The following DPYD variants were observed in gnomAD, a reference collection of about 807,000 sequenced individuals.
DPYD encodes the protein dihydropyrimidine dehydrogenase [NADP(+)].
DPYD carries 109 observed loss-of-function variants against 116.2 expected under a neutral mutation model. The ratio of observed to expected loss-of-function variants is 0.94; its 90% CI spans 0.80 to 1.10. The LOEUF (loss-of-function observed/expected upper bound fraction) is 1.10, where lower values mean the gene tolerates loss of function less well. Ranked by LOEUF, DPYD falls within the 50% of genes least tolerant of loss-of-function variation. DPYD has a pLI of 0.00. For missense variants in DPYD, 1,302 were observed against 1,254.5 expected (o/e 1.04, Z -0.57); for synonymous variants, 440 against 432.0 (o/e 1.02, Z -0.23).
chr1:97,326,009 T>TA (rs1162712653), intron 16 of DPYD, among the ~76,000 whole-genome samples: 2 of 151,590 alleles, frequency 1.3e-5, no homozygotes, highest in Admixed American at 1.3e-4. Context: ...AACTCTTATA[T>TA]ATGTCTATGG....
At chr1:97,664,855 A>G (rs1468688784) in intron 8 of DPYD, among the ~76,000 whole-genome samples, 1 of 152,158 alleles carries the variant, frequency 6.6e-6, no homozygotes, top group African/African-American at 2.4e-5. Context: ...GCTGGAAGCT[A>G]GAACACATGC....
chr1:97,786,412 T>C (rs1667031272), intron 3 of DPYD, among the ~76,000 whole-genome samples: 1 of 152,194 alleles, frequency 6.6e-6, no homozygotes, highest in African/African-American at 2.4e-5. Flanking sequence ...TCCTTACAAA[T>C]GATTTTTTTT....
chr1:97,767,765 T>C (rs1441644382), intron 3 of DPYD, among the ~76,000 whole-genome samples: 2 of 150,910 alleles, frequency 1.3e-5, no homozygotes, highest in Non-Finnish European at 3.0e-5. Flanking sequence ...CTTTTTTTTT[T>C]TTTTTTTTTT....
chr1:97,374,266 G>A (rs1435105729), intron 15 of DPYD, among the ~76,000 whole-genome samples: 2 of 152,030 alleles, frequency 1.3e-5, no homozygotes. Context: ...TTACTTAATA[G>A]GAATCCTTCT....
intron 20 of DPYD, among the ~76,000 whole-genome samples, chr1:97,175,161 T>C (rs1657155656): frequency 1.3e-5 from 2 of 152,066 alleles, no homozygotes; most frequent in Admixed American, 1.3e-4. Flanking sequence ...ATTAGCAATG[T>C]ATGAATTTTC....
intron 14 of DPYD, among the ~76,000 whole-genome samples, chr1:97,422,463 TAGG>T (rs1570709000): frequency 1.3e-5 from 2 of 152,270 alleles, no homozygotes; most frequent in Non-Finnish European, 2.9e-5. Context: ...TAGACTGACC[TAGG>T]AGAAGACCAA....
chr1:97,919,685 A>C (rs1435213755), intron 1 of DPYD, among the ~76,000 whole-genome samples: 1 of 152,240 alleles, frequency 6.6e-6, no homozygotes, highest in Non-Finnish European at 1.5e-5. Flanking sequence ...TCCTGCACAC[A>C]GATGAACAAC....
chr1:97,454,734 C>T (rs1029130348), intron 13 of DPYD, among the ~76,000 whole-genome samples: 3 of 151,778 alleles, frequency 2.0e-5, no homozygotes, highest in Non-Finnish European at 4.4e-5. Context: ...TGTTTAGGTT[C>T]ATTTACTTGA....
At chr1:97,262,739 A>G (rs1196471697) in intron 18 of DPYD, among the ~76,000 whole-genome samples, 2 of 152,016 alleles carry the variant, frequency 1.3e-5, no homozygotes, top group Non-Finnish European at 1.5e-5. Context: ...AAATTATAAG[A>G]CATTTTCTGA....
chr1:97,524,759 T>C (rs1350305286), intron 12 of DPYD, among the ~76,000 whole-genome samples: 3 of 152,194 alleles, frequency 2.0e-5, no homozygotes, highest in African/African-American at 7.2e-5. Flanking sequence ...CATTACAGTT[T>C]ATTCAGGATA....
At chr1:97,205,351 C>G (rs1306040011) in intron 19 of DPYD, among the ~76,000 whole-genome samples, 1 of 151,858 alleles carries the variant, frequency 6.6e-6, no homozygotes, top group African/African-American at 2.4e-5. Context: ...CTGGCAACCA[C>G]TGATCTTTTT....
chr1:97,855,972 A>G (rs1413501848), intron 2 of DPYD: 1 of 152,266 alleles, frequency 6.6e-6, no homozygotes, highest in East Asian at 1.9e-4. Context: ...CTTGGAGACG[A>G]CGACATGGAT....
intron 16 of DPYD, among the ~76,000 whole-genome samples, chr1:97,310,832 A>G (rs1177998780): frequency 6.6e-6 from 1 of 151,826 alleles, no homozygotes; most frequent in African/African-American, 2.4e-5. Context: ...AAATAGGCCC[A>G]AATTTGACAT....
chr1:97,760,820 G>C (rs1665532686), intron 3 of DPYD, among the ~76,000 whole-genome samples: 1 of 152,172 alleles, frequency 6.6e-6, no homozygotes, highest in Non-Finnish European at 1.5e-5. Context: ...CTCTGCTAGT[G>C]TAATTGAGAC....
chr1:97,303,630 T>G (rs1421931540), intron 18 of DPYD, among the ~76,000 whole-genome samples: 6 of 152,058 alleles, frequency 3.9e-5, no homozygotes, highest in African/African-American at 1.4e-4. Flanking sequence ...CAAGCATTAC[T>G]TTAAAGGAGG....
intron 2 of DPYD, among the ~76,000 whole-genome samples, chr1:97,837,475 T>C (rs556498994): frequency 6.6e-6 from 1 of 152,306 alleles, no homozygotes; most frequent in South Asian, 2.1e-4. Context: ...AAGATAATTA[T>C]GTCACAGTCC....
At chr1:97,565,499 C>T (rs1652454079) in intron 11 of DPYD, among the ~76,000 whole-genome samples, 2 of 152,232 alleles carry the variant, frequency 1.3e-5, no homozygotes, top group South Asian at 4.1e-4. Context: ...CTGCTCCCTA[C>T]CCTTATGTAA....
intron 20 of DPYD, among the ~76,000 whole-genome samples, chr1:97,138,165 A>G (rs1221314084): frequency 1.3e-5 from 2 of 152,244 alleles, no homozygotes; most frequent in East Asian, 3.9e-4. Context: ...TAGATGCTGG[A>G]TGCACACTGA....
intron 7 of DPYD, among the ~76,000 whole-genome samples, chr1:97,685,281 A>G (rs1395105012): frequency 6.6e-6 from 1 of 152,226 alleles, no homozygotes; most frequent in Non-Finnish European, 1.5e-5. Context: ...GTCCTTTGAT[A>G]AAATTCAATA....
Sources: gnomAD v4.1 joint callset for allele counts (sites outside exome capture counted in the v4.1 genomes callset) on GRCh38, gnomAD v4.1.1 for gene constraint, MANE v1.5 for transcripts, NCBI Gene and HGNC (gene_info 2026-07-23, HGNC 2026-07-21) for gene names.